BAHCC1: variants seen among roughly 807,000 people sequenced by gnomAD.
BAHCC1 encodes the protein BAH domain and coiled-coil containing 1, also known as BAH and coiled-coil domain-containing protein 1.
In BAHCC1, 43 loss-of-function variants were observed where a neutral mutation model predicts 88.2. The observed-to-expected ratio is 0.49, with a 90% CI of 0.38 to 0.63. BAHCC1 has a LOEUF of 0.63. BAHCC1 is among the 20% of genes least tolerant of loss of function. The pLI, the probability that BAHCC1 is intolerant of heterozygous loss-of-function variation, is 0.00. For missense variants in BAHCC1, 3,023 were observed against 1,654.8 expected (o/e 1.83, Z -14.34); for synonymous variants, 1,510 against 745.5 (o/e 2.03, Z -16.71).
At position 81,451,831 on chromosome 17, in the gene BAHCC1, C is replaced by A. The variant is rs781862086; in HGVS notation, c.4140C>A (p.Ile1380=). ...SGPRLTPRMQ[I]LQRKDTWTPK... Reference sequence around the variant, plus strand: ...CCAGGCTCACCCCCCGCATGCAGATCCTGCAGCGCAAGGACACCTGGACCC... The same window carrying A: ...CCAGGCTCACCCCCCGCATGCAGATACTGCAGCGCAAGGACACCTGGACCC... Residue 1380 remains isoleucine, a synonymous_variant, in exon 12 of 28, where the codon ATC becomes ATA. Coordinates refer to ENST00000675386, the MANE Select transcript of BAHCC1 (RefSeq NM_001377448.1). 1 of 755,000 alleles carries A rather than the reference C, an allele frequency of 1.3e-6. No individual in the cohort carries two copies. The highest frequency in any genetic ancestry group is 1.7e-5 in the Admixed American group (1 of 57,470). The allele number at this position is 755,000 out of a possible 1,614,324, so 46.8% of individuals were successfully genotyped here.
chr17:81,440,327 C>CGGCT (rs2143498372), intron 4 of BAHCC1, among the ~76,000 whole-genome samples: 1 of 152,334 alleles, frequency 6.6e-6, no homozygotes, highest in South Asian at 2.1e-4. Flanking sequence ...CCAGGCCTCT[C>CGGCT]GGCTTTCACA....
rs1555654777 is a variant in BAHCC1 at position 81,447,331 on chromosome 17, G to T, written c.3459G>T (p.Gly1153=). The part of the protein sequence containing the change: ...GKAADPSPLE[G]LQELQCAALL... ...CAGCGGACCCCAGCCCACTAGAGGG[G>T]CTACAAGAACTGCAATGTGCGGCCC... Residue 1153 remains glycine, a synonymous_variant, in exon 11 of 28, where the codon GGG becomes GGT. Coordinates refer to ENST00000675386, the MANE Select transcript of BAHCC1 (RefSeq NM_001377448.1). 3 of 747,622 alleles carry T rather than the reference G, an allele frequency of 4.0e-6. No individual in the cohort carries two copies. The Admixed American group carries it at 5.7e-5, about 14-fold the overall frequency. 46.3% of individuals were successfully genotyped at this position (747,622 alleles called of 1,614,324 possible). A position where few individuals can be genotyped will look rare whatever the true frequency, so the allele number is the denominator to read the frequency against.
chr17:81,417,198 A>G (rs1245430928), intron 2 of BAHCC1, among the ~76,000 whole-genome samples: 1 of 152,138 alleles, frequency 6.6e-6, no homozygotes, highest in African/African-American at 2.4e-5. Context: ...GTCTCCCCGC[A>G]GCTGGCTGTC....
chr17:81,463,472 C>G lies in BAHCC1; in HGVS notation c.7621-139C>G. Reference sequence around the variant, plus strand: ...GCCTGGACCTGGTCCCTGGCAGGTTCCTCGGCCCCGTCTTCCGGCCACACA... The same window carrying G: ...GCCTGGACCTGGTCCCTGGCAGGTTGCTCGGCCCCGTCTTCCGGCCACACA... On this transcript the variant is annotated intron_variant, in intron 27 of 27. Coordinates refer to ENST00000675386, the MANE Select transcript of BAHCC1 (RefSeq NM_001377448.1). The G allele has an allele frequency of 7.7e-6, 5 of 651,364 alleles. 1 individual carries two copies. In the South Asian group the frequency reaches 8.6e-5, roughly 11 times the overall value. 40.3% of individuals were successfully genotyped at this position (651,364 alleles called of 1,614,324 possible).
chr17:81,418,126 G>A (rs1287624521), intron 2 of BAHCC1, among the ~76,000 whole-genome samples: 5 of 152,236 alleles, frequency 3.3e-5, no homozygotes, highest in Non-Finnish European at 5.9e-5. Context: ...TAAGCAGGGC[G>A]GGCCCCGTGT....
At chr17:81,446,908 C>A in intron 10 of BAHCC1, 128 bp from the exon 11 acceptor site, 1 of 679,264 alleles carries the variant, frequency 1.5e-6, no homozygotes, top group Non-Finnish European at 2.7e-6. Context: ...TGCAGACCTG[C>A]AGCTAGCCCA....
intron 4 of BAHCC1, among the ~76,000 whole-genome samples, chr17:81,441,269 C>T (rs549044102): frequency 5.1e-4 from 78 of 152,268 alleles, no homozygotes; most frequent in African/African-American, 1.8e-3. Flanking sequence ...ATGCTCGTGA[C>T]GGCTGCACGG....
At chr17:81,452,247 C>T (rs2064652905) in intron 13 of BAHCC1, 140 bp downstream of exon 13, 4 of 485,568 alleles carry the variant, frequency 8.2e-6, no homozygotes, top group East Asian at 3.5e-5. Flanking sequence ...CAGGGTCCAT[C>T]GGGGAGGCCC....
rs1555658477 is a variant in BAHCC1, at chr17:81,459,308, G to A, written c.5776G>A (p.Glu1926Lys). 6 of 779,274 alleles carry A rather than the reference G, an allele frequency of 7.7e-6. No individual in the cohort carries two copies. Among genetic ancestry groups the A allele is most frequent in the Non-Finnish European group, 1.4e-5 (6 of 417,712 alleles). The allele number at this position is 779,274 out of a possible 1,614,324, so 48.3% of individuals were successfully genotyped here. The change falls in exon 22 of 28, where the codon GAG becomes AAG. Residue 1926 changes from glutamate (E) to lysine (K), a missense_variant. Glu to Lys is a moderately conservative substitution (Grantham distance 56). Coordinates refer to ENST00000675386, the MANE Select transcript of BAHCC1 (RefSeq NM_001377448.1). ...RGNRQRIYSLEQLLQEAVLDV... is the reference protein window; with the variant it reads ...RGNRQRIYSLKQLLQEAVLDV... ...CAACCGGCAGAGGATCTACTCACTGGAGCAGCTGCTGCAGGAAGCGGTGAG... is the reference window on the plus strand; with the variant it reads ...CAACCGGCAGAGGATCTACTCACTGAAGCAGCTGCTGCAGGAAGCGGTGAG...
intron 14 of BAHCC1, among the ~76,000 whole-genome samples, chr17:81,454,485 C>T (rs769663569): frequency 6.6e-6 from 1 of 152,306 alleles, no homozygotes; most frequent in South Asian, 2.1e-4. Context: ...GGCCTGAGCC[C>T]GGCAACGGGG....
At chr17:81,422,014 A>ATT (rs34098647) in intron 2 of BAHCC1, 3,790 of 268,122 alleles carry the variant, frequency 0.014, 1 homozygote, top group South Asian at 0.032. Flanking sequence ...TCCTCTCGTG[A>ATT]TTTTTTTTTT....
intron 14 of BAHCC1, among the ~76,000 whole-genome samples, chr17:81,453,597 C>CG (rs1304971432): frequency 1.2e-4 from 19 of 152,166 alleles, no homozygotes; most frequent in Non-Finnish European, 2.6e-4. Context: ...GGCTGCCCCC[C>CG]CCCAGAGCTG....
At chr17:81,398,500 C>T (rs2063768878) in intron 1 of BAHCC1, among the ~76,000 whole-genome samples, 1 of 152,176 alleles carries the variant, frequency 6.6e-6, no homozygotes, top group African/African-American at 2.4e-5. Flanking sequence ...CCCGGTACTG[C>T]CCGGAGCGGA....
At position 81,460,494 on chromosome 17, in the gene BAHCC1, C is replaced by T. The variant is rs377303209; in HGVS notation, c.6026-36C>T. 401 of 731,752 alleles carry T rather than the reference C, an allele frequency of 5.5e-4. 1 individual carries two copies. Among genetic ancestry groups the T allele is most frequent in the Non-Finnish European group, 8.2e-4 (322 of 394,004 alleles). The allele number at this position is 731,752 out of a possible 1,614,324, so 45.3% of individuals were successfully genotyped here. A position where few individuals can be genotyped will look rare whatever the true frequency, so the allele number is the denominator to read the frequency against. On this transcript the variant is annotated intron_variant, in intron 24 of 27. Transcript: ENST00000675386. ...GTTGGGGTGGCAGTCACCCCACAGCCATGGCACTGAAGCCCTTGGCCCATG... is the reference window on the plus strand; with the variant it reads ...GTTGGGGTGGCAGTCACCCCACAGCTATGGCACTGAAGCCCTTGGCCCATG...
intron 11 of BAHCC1, among the ~76,000 whole-genome samples, 186 bp from the exon 12 acceptor site, chr17:81,451,482 C>T (rs552102841): frequency 5.9e-5 from 9 of 152,312 alleles, no homozygotes; most frequent in African/African-American, 2.2e-4. Flanking sequence ...GAGTGTCTCC[C>T]CAGCATGCAG....
At position 81,399,112 on chromosome 17, in the gene BAHCC1, A is replaced by C; in HGVS notation, c.-206-422A>C. 1 of 207,732 alleles carries C rather than the reference A, an allele frequency of 4.8e-6. No individual in the cohort carries two copies. The highest frequency in any genetic ancestry group is 1.0e-5 in the Non-Finnish European group (1 of 95,936). 12.9% of individuals were successfully genotyped at this position (207,732 alleles called of 1,614,324 possible). A position where few individuals can be genotyped will look rare whatever the true frequency, so the allele number is the denominator to read the frequency against. The stretch of plus-strand genomic sequence containing the variant: ...ACACCTTTGGGCAGCGGGGGAGGGG[A>C]GAGGGTGTGCGTGTGAGTGTGTGTG... On this transcript the variant is annotated intron_variant, in intron 1 of 27. Transcript: ENST00000675386. The surrounding 1 kb of genome is among the most constrained non-coding windows in gnomAD (Gnocchi z 4.5).
In BAHCC1 at chr17:81,459,110, C is replaced by T. The variant is rs782246974; in HGVS notation, c.5662C>T (p.Pro1888Ser). 2.8e-5 allele frequency: 22 copies of T among 772,292 alleles called. No homozygotes were observed. Among genetic ancestry groups the T allele is most frequent in the Admixed American group, 1.7e-5 (1 of 58,264 alleles). 47.8% of individuals were successfully genotyped at this position (772,292 alleles called of 1,614,324 possible). ...DLRDGLPVLIPKEDSLLYAGS... is the reference protein window; with the variant it reads ...DLRDGLPVLISKEDSLLYAGS... Reference sequence around the variant, plus strand: ...GCGGGACGGGCTGCCCGTGCTCATCCCCAAGGAGGATAGCCTGCTGTACGC... The same window carrying T: ...GCGGGACGGGCTGCCCGTGCTCATCTCCAAGGAGGATAGCCTGCTGTACGC... Residue 1888 changes from proline to serine, a missense_variant, in exon 21 of 28, where the codon CCC becomes TCC. Physicochemically the swap from Pro to Ser is moderately conservative, Grantham distance 74. Coordinates refer to ENST00000675386, the MANE Select transcript of BAHCC1 (RefSeq NM_001377448.1).
At chr17:81,431,487 G>C (rs2064260860) in intron 3 of BAHCC1, among the ~76,000 whole-genome samples, 1 of 152,224 alleles carries the variant, frequency 6.6e-6, no homozygotes, top group South Asian at 2.1e-4. Flanking sequence ...GGGAGACACA[G>C]ACTTGGGGAA....
At chr17:81,429,773 T>G (rs990902193) in intron 3 of BAHCC1, among the ~76,000 whole-genome samples, 17 of 152,098 alleles carry the variant, frequency 1.1e-4, no homozygotes, top group Non-Finnish European at 4.4e-5. Context: ...GCCCAGGGCT[T>G]TCGTTGAGGG....
Sources: allele counts gnomAD v4.1 joint callset (sites outside exome capture counted in the v4.1 genomes callset), GRCh38; gene constraint gnomAD v4.1.1; non-coding constraint Gnocchi (gnomAD v3.1); transcripts MANE v1.5; gene names NCBI Gene and HGNC (gene_info 2026-07-23, HGNC 2026-07-21).